ZSCAN1: variants seen among roughly 807,000 people sequenced by gnomAD.
The protein encoded by ZSCAN1 is zinc finger and SCAN domain-containing protein 1.
ZSCAN1 carries 23 observed loss-of-function variants against 23.8 expected under a neutral mutation model. That is an observed-to-expected ratio of 0.97 (90% confidence interval 0.70 to 1.37). ZSCAN1 has a LOEUF of 1.37. Among genes scored for constraint, ZSCAN1 ranks in the 40% most tolerant of loss-of-function variants. ZSCAN1 has a pLI of 0.00. For synonymous variants in ZSCAN1, 236 were observed against 232.3 expected (o/e 1.02, Z -0.15); for missense variants, 575 against 554.0 (o/e 1.04, Z -0.38).
downstream of ZSCAN1, chr19:58,054,700 C>T (rs2123448780): frequency 1.3e-5 from 2 of 152,310 alleles, no homozygotes; most frequent in Middle Eastern, 6.8e-3. This position sits in a 1 kb window ranked among gnomAD's most constrained non-coding sequence, Gnocchi z 4.2. Flanking sequence ...TCGTCTTGCC[C>T]AGAAAGAGAG....
At chr19:58,046,848 T>C in intron 4 of ZSCAN1, 1 of 667,930 alleles carries the variant, frequency 1.5e-6, no homozygotes, top group Non-Finnish European at 2.7e-6. Context: ...CGGTGATTCT[T>C]AGTGGCTCAT....
At chr19:58,051,934 T>G (rs886469303) in intron 4 of ZSCAN1, among the ~76,000 whole-genome samples, 1 of 152,222 alleles carries the variant, frequency 6.6e-6, no homozygotes, top group Non-Finnish European at 1.5e-5. Flanking sequence ...CAGGAAGTGG[T>G]GATCCCCGCT....
At chr19:58,051,616 G>C (rs1490235359) in intron 4 of ZSCAN1, among the ~76,000 whole-genome samples, 1 of 152,196 alleles carries the variant, frequency 6.6e-6, no homozygotes, top group Non-Finnish European at 1.5e-5. Context: ...ACTCAAGACA[G>C]ACCTTGTCAG....
intron 4 of ZSCAN1, chr19:58,046,675 A>G: frequency 1.1e-6 from 1 of 878,874 alleles, no homozygotes; most frequent in Non-Finnish European, 2.0e-6. Context: ...CGTCTCCACC[A>G]GTCAGGTGGC....
chr19:58,051,563 C>G (rs1297479383), intron 4 of ZSCAN1, among the ~76,000 whole-genome samples: 2 of 151,972 alleles, frequency 1.3e-5, no homozygotes, highest in African/African-American at 4.8e-5. Flanking sequence ...CCTTAGGCCC[C>G]TGTGCATCCA....
At position 58,046,831 on chromosome 19, in the gene ZSCAN1, C is replaced by T. The variant is rs147496984; in HGVS notation, c.466-5659C>T. Reference sequence around the variant, plus strand: ...GCCACCCTGGTGAGGGCTGTGAGAGCGATTTGCGGTGATTCTTAGTGGCTC... The same window carrying T: ...GCCACCCTGGTGAGGGCTGTGAGAGTGATTTGCGGTGATTCTTAGTGGCTC... On this transcript the variant is annotated intron_variant, in intron 4 of 5. Coordinates refer to ENST00000282326, the MANE Select transcript of ZSCAN1 (RefSeq NM_182572.4). 3.9e-5 allele frequency: 27 copies of T among 695,160 alleles called. No homozygotes were observed. The East Asian group carries it at 5.3e-4, about 14-fold the overall frequency. The allele number at this position is 695,160 out of a possible 1,614,324, so 43.1% of individuals were successfully genotyped here.
At position 58,036,846 on chromosome 19, in the gene ZSCAN1, C is replaced by T. The variant is rs58651242; in HGVS notation, c.-110+835C>T. ...GGATTAGAGGTGTGCACCACCACGCCGGCTAATTTTTGTATTTTTAGTAGA... is the reference window on the plus strand; with the variant it reads ...GGATTAGAGGTGTGCACCACCACGCTGGCTAATTTTTGTATTTTTAGTAGA... On this transcript the variant is annotated intron_variant, in intron 2 of 5. Coordinates refer to ENST00000282326, the MANE Select transcript of ZSCAN1 (RefSeq NM_182572.4). Among the ~76,000 whole-genome samples the T allele has an allele frequency of 1.1e-4, 17 of 152,150 alleles. No homozygotes were observed. The South Asian group carries it at 2.9e-3, about 26-fold the overall frequency.
In ZSCAN1 at chr19:58,047,547, T is replaced by G. The variant is rs928243715; in HGVS notation, c.466-4943T>G. On this transcript the variant is annotated intron_variant, in intron 4 of 5. Transcript: ENST00000282326. This position sits in a 1 kb window ranked among gnomAD's most constrained non-coding sequence, Gnocchi z 4.9. ...GCCATGGGACTCCCTTGGGTGGTGC[T>G]TGGGCTGCGCGCCACGGGGGCTGCA... Among the ~76,000 whole-genome samples, 1 of 152,226 alleles carries G rather than the reference T, an allele frequency of 6.6e-6. No homozygotes were observed. The highest frequency in any genetic ancestry group is 2.4e-5 in the African/African-American group (1 of 41,460).
chr19:58,035,726 C>T (rs1273545002), intron 1 of ZSCAN1, among the ~76,000 whole-genome samples: 3 of 152,190 alleles, frequency 2.0e-5, no homozygotes, highest in African/African-American at 4.8e-5. Flanking sequence ...TACGCTGACT[C>T]GAAGATGGCT....
intron 4 of ZSCAN1, among the ~76,000 whole-genome samples, chr19:58,041,375 C>T (rs1252097525): frequency 6.6e-6 from 1 of 152,204 alleles, no homozygotes; most frequent in Non-Finnish European, 1.5e-5. Context: ...GTGAAGCACA[C>T]GCCTGAGCAG....
intron 1 of ZSCAN1, among the ~76,000 whole-genome samples, chr19:58,034,763 C>T (rs534539299): frequency 7.0e-6 from 1 of 143,864 alleles, no homozygotes; most frequent in African/African-American, 2.6e-5. Flanking sequence ...ACCATCCTCC[C>T]CCCAACCAGC....
At chr19:58,046,112 A>G (rs2073823723) in intron 4 of ZSCAN1, 2 of 695,358 alleles carry the variant, frequency 2.9e-6, no homozygotes, top group South Asian at 3.4e-5. Flanking sequence ...GAAGTGCCTG[A>G]CACTGTCCTG....
intron 3 of ZSCAN1, among the ~76,000 whole-genome samples, chr19:58,038,813 T>C (rs2073762770): frequency 6.6e-6 from 1 of 152,202 alleles, no homozygotes; most frequent in Non-Finnish European, 1.5e-5. Context: ...CTTTCTTTCC[T>C]AGTGACAAAA....
intron 2 of ZSCAN1, among the ~76,000 whole-genome samples, chr19:58,037,116 C>T (rs1294864880): frequency 2.0e-5 from 3 of 152,162 alleles, no homozygotes; most frequent in Non-Finnish European, 4.4e-5. Context: ...GCAAAGATAA[C>T]ACCATGGGTA....
chr19:58,044,858 CCTCTGTGGGTT>C, intron 4 of ZSCAN1: 1 of 770,890 alleles, frequency 1.3e-6, no homozygotes, highest in Admixed American at 2.0e-5. Flanking sequence ...TGGACCTCCA[CCTCTGTGGGTT>C]TTGTGGTCCT....
At chr19:58,044,514 G>T (rs1167686317) in intron 4 of ZSCAN1, 3 of 438,270 alleles carry the variant, frequency 6.8e-6, no homozygotes, top group Non-Finnish European at 1.2e-5. Flanking sequence ...CCGAGACGGC[G>T]AAGAGCCGCG....
intron 4 of ZSCAN1, chr19:58,048,932 A>G (rs535282488): frequency 6.6e-6 from 1 of 151,970 alleles, no homozygotes; most frequent in African/African-American, 2.4e-5. Context: ...TAGAGTTGGG[A>G]CTTAGCTATG....
rs1036037739 is a variant in ZSCAN1, at chr19:58,053,353, G to A, written c.605-76G>A. The A allele has an allele frequency of 2.2e-5, 34 of 1,531,308 alleles. No individual in the cohort carries two copies. Among genetic ancestry groups the A allele is most frequent in the South Asian group, 5.1e-5 (4 of 78,644 alleles). 94.9% of individuals were successfully genotyped at this position (1,531,308 alleles called of 1,614,324 possible). A position where few individuals can be genotyped will look rare whatever the true frequency, so the allele number is the denominator to read the frequency against. On this transcript the variant is annotated intron_variant, in intron 5 of 5. Coordinates refer to ENST00000282326, the MANE Select transcript of ZSCAN1 (RefSeq NM_182572.4). This position sits in a 1 kb window ranked among gnomAD's most constrained non-coding sequence, Gnocchi z 5.8. Reference sequence around the variant, plus strand: ...CTTGGCTCAGTCACTGGGGTCCTCCGTGCCCCTGGGGAGCACAGGGAGATG... The same window carrying A: ...CTTGGCTCAGTCACTGGGGTCCTCCATGCCCCTGGGGAGCACAGGGAGATG...
Position 58,038,389 on chromosome 19 carries a change from C to T in ZSCAN1, c.370+183C>T, listed in dbSNP as rs1229276665. 2.8e-5 allele frequency: 21 copies of T among 747,258 alleles called. 1 individual carries two copies. In the Middle Eastern group the frequency reaches 1.6e-3, roughly 59 times the overall value. 46.3% of individuals were successfully genotyped at this position (747,258 alleles called of 1,614,324 possible). On this transcript the variant is annotated intron_variant, in intron 3 of 5. Transcript: ENST00000282326. ...TTACATATAAATGTGCTGCACGCCT[C>T]ATCTGCCTCGAATTTCTCACTCAGT...
Sources: gnomAD v4.1 joint callset for allele counts (sites outside exome capture counted in the v4.1 genomes callset) on GRCh38, gnomAD v4.1.1 for gene constraint, Gnocchi (gnomAD v3.1) non-coding constraint, MANE v1.5 for transcripts, NCBI Gene and HGNC (gene_info 2026-07-23, HGNC 2026-07-21) for gene names.